Variants in FBXL7 observed in about 807,000 individuals in gnomAD.
FBXL7 encodes F-box and leucine rich repeat protein 7.
In FBXL7, 12 loss-of-function variants were observed where a neutral mutation model predicts 38.3. That is an observed-to-expected ratio of 0.31 (90% CI 0.20 to 0.51). The LOEUF (loss-of-function observed/expected upper bound fraction) is 0.51. FBXL7 is among the 20% of genes least tolerant of loss of function. The pLI, the probability that FBXL7 is intolerant of heterozygous loss-of-function variation, is 0.98. For synonymous variants in FBXL7, 297 were observed against 300.9 expected (o/e 0.99, Z 0.13); for missense variants, 567 against 676.4 (o/e 0.84, Z 1.79).
chr5:15,786,584 A>G (rs1189188208), intron 2 of FBXL7, among the ~76,000 whole-genome samples: 9 of 152,218 alleles, frequency 5.9e-5, no homozygotes, highest in Non-Finnish European at 1.2e-4. Context: ...ATTGGCAGAA[A>G]TGTAATAGTA....
chr5:15,563,112 G>T (rs1407922978), intron 1 of FBXL7, among the ~76,000 whole-genome samples: 1 of 152,104 alleles, frequency 6.6e-6, no homozygotes, highest in African/African-American at 2.4e-5. Flanking sequence ...TGCTGGAAAG[G>T]TGCAGAAGTA....
rs144004841 is a variant in FBXL7 at position 15,543,815 on chromosome 5, G to C, written c.37+43102G>C. On this transcript the variant is annotated intron_variant, in intron 1 of 3. Coordinates refer to ENST00000504595, the MANE Select transcript of FBXL7 (RefSeq NM_012304.5). The stretch of plus-strand genomic sequence containing the variant: ...GCATTTCTTTTAAAGTCTTCCAACT[G>C]TTTTGAAATGGTTCTCAAAGCTAAA... Among the ~76,000 whole-genome samples the C allele has an allele frequency of 1.7e-3, 256 of 152,332 alleles. 3 individuals carry two copies. Among genetic ancestry groups the C allele is most frequent in the African/African-American group, 5.9e-3 (246 of 41,570 alleles).
At chr5:15,655,267 G>T (rs536477150) in intron 2 of FBXL7, among the ~76,000 whole-genome samples, 1 of 152,116 alleles carries the variant, frequency 6.6e-6, no homozygotes, top group Non-Finnish European at 1.5e-5. Flanking sequence ...AGGCCGTGGC[G>T]GGTGAATCAC....
chr5:15,659,918 CTA>C (rs2126582592), intron 2 of FBXL7, among the ~76,000 whole-genome samples: 1 of 152,254 alleles, frequency 6.6e-6, no homozygotes, highest in Non-Finnish European at 1.5e-5. Context: ...GAGGGAGAAA[CTA>C]TAAACTTTAT....
chr5:15,651,687 GC>G, intron 2 of FBXL7, among the ~76,000 whole-genome samples: 1 of 152,316 alleles, frequency 6.6e-6, no homozygotes, highest in African/African-American at 2.4e-5. Context: ...AGTAAATTTA[GC>G]ATAATTCATC....
At chr5:15,510,145 A>G (rs1736755897) in intron 1 of FBXL7, among the ~76,000 whole-genome samples, 1 of 152,240 alleles carries the variant, frequency 6.6e-6, no homozygotes, top group Admixed American at 6.5e-5. Context: ...AGTTGTTAGC[A>G]CTGCGTGAAC....
At chr5:15,527,938 A>G (rs929613059) in intron 1 of FBXL7, among the ~76,000 whole-genome samples, 1 of 152,196 alleles carries the variant, frequency 6.6e-6, no homozygotes, top group African/African-American at 2.4e-5. Flanking sequence ...TAATTCTTCA[A>G]ATATTCTTCA....
intron 2 of FBXL7, among the ~76,000 whole-genome samples, chr5:15,887,639 A>G (rs78333113): frequency 0.014 from 2,127 of 152,274 alleles, 48 homozygotes; most frequent in African/African-American, 0.047. Context: ...CAGGGAGCTA[A>G]CAAGTACCTC....
At chr5:15,593,380 C>T (rs1162910467) in intron 1 of FBXL7, among the ~76,000 whole-genome samples, 2 of 152,060 alleles carry the variant, frequency 1.3e-5, no homozygotes, top group African/African-American at 4.8e-5. Flanking sequence ...AAAAATTAGC[C>T]AGGTGTGGTG....
chr5:15,742,560 G>A (rs1735920051), intron 2 of FBXL7, among the ~76,000 whole-genome samples: 1 of 152,208 alleles, frequency 6.6e-6, no homozygotes, highest in South Asian at 2.1e-4. Flanking sequence ...TAGAATTGCT[G>A]TAGGTGACCT....
At chr5:15,634,309 GTTTC>G (rs1554010998) in intron 2 of FBXL7, among the ~76,000 whole-genome samples, 1 of 101,980 alleles carries the variant, frequency 9.8e-6, no homozygotes, top group African/African-American at 3.7e-5. Context: ...TTATATGTTC[GTTTC>G]TTTTTTTTTT....
rs1226055498 is a variant in FBXL7 at position 15,937,039 on chromosome 5, C to A, written c.1329C>A (p.Gly443=). The A allele has an allele frequency of 6.2e-7, 1 of 1,614,046 alleles. No homozygotes were observed. Among genetic ancestry groups the A allele is most frequent in the Non-Finnish European group, 8.5e-7 (1 of 1,179,902 alleles). ...TCAAGTCCTGCGAGAGCATCACCGG[C>A]CAGGGCTTGCAGATCGTGGCCGCCA... The part of the protein sequence containing the change: ...LSLKSCESIT[G]QGLQIVAANC... The change falls in exon 4 of 4, where the codon GGC becomes GGA. Residue 443 remains glycine (G), a synonymous_variant. Transcript: ENST00000504595.
chr5:15,544,630 T>A (rs770275966), intron 1 of FBXL7, among the ~76,000 whole-genome samples: 8 of 152,036 alleles, frequency 5.3e-5, no homozygotes, highest in Admixed American at 6.6e-5. Flanking sequence ...ATATATTAAC[T>A]TTAAGTTTTG....
chr5:15,511,362 G>A (rs1489512806), intron 1 of FBXL7, among the ~76,000 whole-genome samples: 1 of 152,196 alleles, frequency 6.6e-6, no homozygotes, highest in Non-Finnish European at 1.5e-5. Flanking sequence ...CAGGACATTA[G>A]TAACTTTTAA....
chr5:15,608,612 C>G (rs1182952700), intron 1 of FBXL7, among the ~76,000 whole-genome samples: 1 of 152,078 alleles, frequency 6.6e-6, no homozygotes, highest in South Asian at 2.1e-4. Flanking sequence ...GAGATTATCT[C>G]TGAAAATAAT....
intron 2 of FBXL7, among the ~76,000 whole-genome samples, chr5:15,652,328 G>A (rs546194459): frequency 3.8e-4 from 58 of 152,174 alleles, no homozygotes; most frequent in East Asian, 5.8e-4. Flanking sequence ...GTGCAGTGGC[G>A]TGATCTCGGC....
At chr5:15,894,824 C>T (rs1741043729) in intron 2 of FBXL7, among the ~76,000 whole-genome samples, 2 of 152,058 alleles carry the variant, frequency 1.3e-5, no homozygotes, top group Non-Finnish European at 2.9e-5. Flanking sequence ...TCTAGCTGTG[C>T]CATCAGGCCT....
intron 2 of FBXL7, among the ~76,000 whole-genome samples, chr5:15,813,827 A>C (rs1737935404): frequency 1.3e-5 from 2 of 152,234 alleles, no homozygotes; most frequent in African/African-American, 4.8e-5. Flanking sequence ...ATGAAAAAAA[A>C]GCTCATCATC....
rs186792710 is a variant in FBXL7, at chr5:15,848,943, G to A, written c.128-78947G>A. ...GAATGTTTTCAAATGCTATAGTCTG[G>A]ATTATTGTCTCTTTTGGAAAAGTAA... is the stretch of plus-strand genomic sequence containing the variant. On this transcript the variant is annotated intron_variant, in intron 2 of 3. Coordinates refer to ENST00000504595, the MANE Select transcript of FBXL7 (RefSeq NM_012304.5). 1.4e-4 allele frequency among the ~76,000 whole-genome samples: 21 copies of A among 152,294 alleles called. No homozygotes were observed. The East Asian group carries it at 4.1e-3, about 29-fold the overall frequency.
Sources: gnomAD v4.1 joint callset for allele counts (sites outside exome capture counted in the v4.1 genomes callset) on GRCh38, gnomAD v4.1.1 for gene constraint, MANE v1.5 for transcripts, NCBI Gene and HGNC (gene_info 2026-07-23, HGNC 2026-07-21) for gene names.